The following NRK variants were observed in gnomAD, a reference collection of about 807,000 sequenced individuals.
NRK encodes the protein nik-related protein kinase.
NRK carries 67 observed loss-of-function variants against 125.2 expected under a neutral mutation model. That is an observed-to-expected ratio of 0.54 (90% CI 0.44 to 0.66). The LOEUF is 0.66. Among genes scored for constraint, NRK ranks in the 30% least tolerant of loss-of-function variants. NRK has a pLI of 0.00. For missense variants in NRK, 1,224 were observed against 1,192.9 expected (o/e 1.03, Z -0.38); for synonymous variants, 458 against 429.0 (o/e 1.07, Z -0.84).
Position 105,909,726 on chromosome X carries a change from G to A in NRK, c.2085G>A (p.Leu695=). Residue 695 remains leucine (L), a synonymous_variant, in exon 13 of 29, where the codon CTG becomes CTA. Coordinates refer to ENST00000243300, the MANE Select transcript of NRK (RefSeq NM_198465.4). ...AAGTTTCTACTCTGAGGCAAGCACTGGCAAAAAGACTATCACCAAAGAGGT... is the reference window on the plus strand; with the variant it reads ...AAGTTTCTACTCTGAGGCAAGCACTAGCAAAAAGACTATCACCAAAGAGGT... ...KSKVSTLRQA[L]AKRLSPKRFR... is the part of the protein sequence containing the mutation. 1 of 1,183,595 alleles carries A rather than the reference G, an allele frequency of 8.4e-7. No homozygotes were observed. Among genetic ancestry groups the A allele is most frequent in the Non-Finnish European group, 1.1e-6 (1 of 880,640 alleles).
At chrX:105,887,958 G>A (rs1366188226) in intron 4 of NRK, among the ~76,000 whole-genome samples, 1 of 112,082 alleles carries the variant, frequency 8.9e-6, no homozygotes, top group Non-Finnish European at 1.9e-5. Context: ...TATAGTATGT[G>A]AATTATATCT....
chrX:105,920,458 G>A (rs1370888060), intron 16 of NRK, among the ~76,000 whole-genome samples: 1 of 104,654 alleles, frequency 9.6e-6, no homozygotes, highest in East Asian at 3.0e-4. Flanking sequence ...GATGGGGATG[G>A]CATTGAATCT....
intron 2 of NRK, among the ~76,000 whole-genome samples, chrX:105,852,891 T>C (rs998945170): frequency 1.8e-5 from 2 of 111,882 alleles, no homozygotes; most frequent in African/African-American, 6.5e-5. Flanking sequence ...CTTAACAGTC[T>C]TGATGGCAAA....
chrX:105,916,998 A>G (rs1360522056), intron 15 of NRK, among the ~76,000 whole-genome samples: 1 of 111,545 alleles, frequency 9.0e-6, no homozygotes, highest in African/African-American at 3.2e-5. Context: ...AGTCCTTCCC[A>G]TATAGAAATA....
intron 8 of NRK, among the ~76,000 whole-genome samples, chrX:105,899,861 G>C (rs764755960): frequency 3.6e-5 from 4 of 110,219 alleles, no homozygotes; most frequent in Non-Finnish European, 7.6e-5. Flanking sequence ...CTAGCTACTC[G>C]GGAGGCTGAG....
At chrX:105,847,918 CT>C (rs1171237389) in intron 2 of NRK, among the ~76,000 whole-genome samples, 1 of 111,665 alleles carries the variant, frequency 9.0e-6, no homozygotes, top group East Asian at 2.8e-4. Context: ...TTTCACAAAA[CT>C]AATGGGGACA....
intron 21 of NRK, among the ~76,000 whole-genome samples, chrX:105,937,082 A>T (rs2147785338): frequency 9.1e-6 from 1 of 109,394 alleles, no homozygotes; most frequent in African/African-American, 3.3e-5. Context: ...ATATCCATAA[A>T]TTTCCATTTG....
At chrX:105,826,134 G>T (rs2039091969) in intron 1 of NRK, among the ~76,000 whole-genome samples, 2 of 88,562 alleles carry the variant, frequency 2.3e-5, no homozygotes, top group Non-Finnish European at 4.3e-5. Flanking sequence ...TATATGGTAA[G>T]ATATATATAT....
intron 2 of NRK, among the ~76,000 whole-genome samples, chrX:105,855,286 T>C (rs191381447): frequency 1.1e-3 from 121 of 111,679 alleles, no homozygotes; most frequent in African/African-American, 3.7e-3. Flanking sequence ...ATGGAAGAAG[T>C]AAAAACTAGA....
At chrX:105,895,864 C>T (rs1414831653) in intron 7 of NRK, among the ~76,000 whole-genome samples, 2 of 111,572 alleles carry the variant, frequency 1.8e-5, no homozygotes, top group African/African-American at 3.2e-5. Flanking sequence ...GTGCAAATTT[C>T]GATGCCAAGG....
chrX:105,826,907 C>T (rs930305198), intron 1 of NRK, among the ~76,000 whole-genome samples: 3 of 111,215 alleles, frequency 2.7e-5, no homozygotes, highest in African/African-American at 9.8e-5. Flanking sequence ...AGTCTTTTTT[C>T]CAGTTTCTAG....
intron 2 of NRK, among the ~76,000 whole-genome samples, chrX:105,841,693 A>G (rs1363483414): frequency 8.9e-6 from 1 of 111,763 alleles, no homozygotes; most frequent in African/African-American, 3.2e-5. Context: ...GAGAAGTCTA[A>G]GAGTCCTCAG....
At chrX:105,916,725 A>G (rs2040370378) in intron 15 of NRK, among the ~76,000 whole-genome samples, 1 of 111,720 alleles carries the variant, frequency 9.0e-6, no homozygotes, top group East Asian at 2.8e-4. Flanking sequence ...CTCAAAGGAA[A>G]GAAACCAGTT....
At chrX:105,911,944 G>T (rs369110069) in intron 13 of NRK, among the ~76,000 whole-genome samples, 2 of 111,000 alleles carry the variant, frequency 1.8e-5, no homozygotes, top group African/African-American at 6.5e-5. Context: ...CTAGGATATT[G>T]TACAAGCATT....
intron 28 of NRK, among the ~76,000 whole-genome samples, chrX:105,955,070 T>A (rs982898649): frequency 9.0e-6 from 1 of 111,333 alleles, no homozygotes; most frequent in Non-Finnish European, 1.9e-5. Context: ...AAAAGAAAAT[T>A]GTACCAAGTA....
chrX:105,927,704 C>T (rs760018041), intron 19 of NRK, among the ~76,000 whole-genome samples: 44 of 111,076 alleles, frequency 4.0e-4, no homozygotes, highest in Non-Finnish European at 6.3e-4. Flanking sequence ...AGAATTTTAT[C>T]AAATGCTTTT....
At chrX:105,886,406 CAT>C (rs992336019) in intron 4 of NRK, among the ~76,000 whole-genome samples, 5 of 103,494 alleles carry the variant, frequency 4.8e-5, no homozygotes, top group African/African-American at 1.4e-4. Context: ...TACAGACACA[CAT>C]GTATATATAC....
intron 13 of NRK, 71 bp from the exon 14 acceptor site, chrX:105,912,577 A>G (rs1422695209): frequency 1.6e-5 from 7 of 435,019 alleles, no homozygotes; most frequent in Non-Finnish European, 2.6e-5. Flanking sequence ...CAGCATTAAG[A>G]TGATGAAGTT....
chrX:105,894,417 T>G (rs1043634358), intron 6 of NRK, among the ~76,000 whole-genome samples: 1 of 111,860 alleles, frequency 8.9e-6, no homozygotes, highest in African/African-American at 3.2e-5. Flanking sequence ...CACACCCAGT[T>G]GGATGAGAGC....
Sources: allele counts gnomAD v4.1 joint callset (sites outside exome capture counted in the v4.1 genomes callset), GRCh38; gene constraint gnomAD v4.1.1; transcripts MANE v1.5; gene names NCBI Gene and HGNC (gene_info 2026-07-23, HGNC 2026-07-21).